The following DCDC1 variants were observed in gnomAD, a reference collection of about 807,000 sequenced individuals.
The protein encoded by DCDC1 is doublecortin domain-containing protein 1.
In DCDC1, 200 loss-of-function variants were observed where a neutral mutation model predicts 178.3. The observed-to-expected ratio is 1.12, with a 90% confidence interval of 1.00 to 1.26. The LOEUF is 1.26. Among genes scored for constraint, DCDC1 ranks in the 50% most tolerant of loss-of-function variants. The probability of loss-of-function intolerance (pLI) is 0.00; values close to 1 mark genes in which losing one functional copy is unlikely to be tolerated. For missense variants in DCDC1, 1,983 were observed against 1,749.2 expected (o/e 1.13, Z -2.38); for synonymous variants, 690 against 604.8 (o/e 1.14, Z -2.07).
intron 20 of DCDC1, among the ~76,000 whole-genome samples, chr11:31,024,208 T>C (rs1412862792): frequency 6.6e-6 from 1 of 152,002 alleles, no homozygotes; most frequent in African/African-American, 2.4e-5. Flanking sequence ...ATTAAGTTTA[T>C]GTAAAGGCAT....
chr11:31,311,753 A>G (rs1004618511), intron 3 of DCDC1, among the ~76,000 whole-genome samples: 5 of 152,214 alleles, frequency 3.3e-5, no homozygotes, highest in Non-Finnish European at 7.3e-5. Flanking sequence ...TAACCTGATC[A>G]TCATAATACA....
At chr11:31,268,846 G>A (rs1945355067) in intron 7 of DCDC1, among the ~76,000 whole-genome samples, 2 of 152,108 alleles carry the variant, frequency 1.3e-5, no homozygotes, top group African/African-American at 4.8e-5. Context: ...CAGTGTATAA[G>A]CGTTCCTTTT....
rs889501091 is a variant in DCDC1 at position 31,203,497 on chromosome 11, C to A, written c.1221+37953G>T. Among the ~76,000 whole-genome samples the A allele has an allele frequency of 3.3e-5, 5 of 152,128 alleles. No individual in the cohort carries two copies. In the East Asian group the frequency reaches 7.7e-4, roughly 23 times the overall value. ...GGCTGCTCTAGATTCCTTATGTCATCCATTGTCATGAACTGATACGGCATC... is the reference window on the plus strand; with the variant it reads ...GGCTGCTCTAGATTCCTTATGTCATACATTGTCATGAACTGATACGGCATC... On this transcript the variant is annotated intron_variant, in intron 9 of 38. Transcript: ENST00000684477.
chr11:31,132,803 C>T (rs892493446), intron 10 of DCDC1, among the ~76,000 whole-genome samples: 4 of 152,170 alleles, frequency 2.6e-5, no homozygotes, highest in African/African-American at 9.7e-5. Flanking sequence ...TCTTCATTCT[C>T]CGTGGAAATG....
At chr11:31,043,365 G>A (rs1954607431) in intron 20 of DCDC1, among the ~76,000 whole-genome samples, 1 of 152,156 alleles carries the variant, frequency 6.6e-6, no homozygotes, top group African/African-American at 2.4e-5. Flanking sequence ...AGACAAAGCT[G>A]CTGACATCAT....
chr11:31,201,600 C>T (rs1971292233), intron 9 of DCDC1, among the ~76,000 whole-genome samples: 1 of 149,876 alleles, frequency 6.7e-6, no homozygotes, highest in Non-Finnish European at 1.5e-5. Context: ...AAATAATCAA[C>T]CATTAAATAA....
At chr11:31,229,382 T>C (rs1433709626) in intron 9 of DCDC1, among the ~76,000 whole-genome samples, 1 of 152,044 alleles carries the variant, frequency 6.6e-6, no homozygotes, top group Non-Finnish European at 1.5e-5. Context: ...AAGTAACATA[T>C]ATAAGGAGGA....
chr11:31,357,367 G>A (rs1951436652), intron 1 of DCDC1, among the ~76,000 whole-genome samples: 2 of 142,146 alleles, frequency 1.4e-5, no homozygotes, highest in South Asian at 2.3e-4. Context: ...TGCAGAAAAG[G>A]CCTTTGACAA....
intron 20 of DCDC1, among the ~76,000 whole-genome samples, chr11:30,994,529 T>TTATA (rs35280751): frequency 4.4e-3 from 640 of 145,150 alleles, no homozygotes; most frequent in Admixed American, 8.4e-3. Context: ...TGACCTCAAG[T>TTATA]TATATATATA....
intron 10 of DCDC1, among the ~76,000 whole-genome samples, chr11:31,133,760 G>A (rs1962759493): frequency 6.6e-6 from 1 of 152,126 alleles, no homozygotes; most frequent in African/African-American, 2.4e-5. Flanking sequence ...CTGGAGTGCA[G>A]TGGCACGAAC....
At chr11:31,173,285 A>G (rs562892879) in intron 9 of DCDC1, among the ~76,000 whole-genome samples, 1 of 152,236 alleles carries the variant, frequency 6.6e-6, no homozygotes, top group South Asian at 2.1e-4. Context: ...ATGACATTAC[A>G]TCACCCGAGA....
chr11:31,240,169 C>A (rs1007528740), intron 9 of DCDC1, among the ~76,000 whole-genome samples: 12 of 151,776 alleles, frequency 7.9e-5, no homozygotes, highest in African/African-American at 2.9e-4. Context: ...AATCATGATC[C>A]ATTTTATAAT....
chr11:30,878,143 G>A (rs1295115482), intron 38 of DCDC1, among the ~76,000 whole-genome samples: 1 of 152,158 alleles, frequency 6.6e-6, no homozygotes, highest in Non-Finnish European at 1.5e-5. Context: ...TATGTAAAAT[G>A]CGGAGGGTAA....
In DCDC1 at chr11:31,290,689, C is replaced by CT; in HGVS notation, c.917dup (p.Asp307GlyfsTer4). ...TTCCCACTGTAATCTCATGCCCATC[C>CT]TGCCCCATGCCATTCTTAAAGAACA... On this transcript the variant is annotated frameshift_variant, in exon 7 of 39. Transcript: ENST00000684477. LOFTEE classifies it high-confidence loss of function. 6.2e-7 allele frequency: 1 copy of CT among 1,613,300 alleles called. No individual in the cohort carries two copies. Among genetic ancestry groups the CT allele is most frequent in the Non-Finnish European group, 8.5e-7 (1 of 1,179,478 alleles).
intron 20 of DCDC1, among the ~76,000 whole-genome samples, chr11:31,038,815 T>A (rs915831333): frequency 6.6e-6 from 1 of 151,952 alleles, no homozygotes; most frequent in South Asian, 2.1e-4. Flanking sequence ...AATTCTATTG[T>A]TGGAAGTGCT....
intron 15 of DCDC1, 88 bp from the exon 16 acceptor site, chr11:31,094,272 A>C (rs1243871297): frequency 1.4e-6 from 1 of 700,250 alleles, no homozygotes; most frequent in Non-Finnish European, 2.6e-6. Flanking sequence ...GTTATCCTAG[A>C]ACATTATTTA....
At chr11:31,352,385 T>G (rs978269504) in intron 1 of DCDC1, among the ~76,000 whole-genome samples, 3 of 152,322 alleles carry the variant, frequency 2.0e-5, no homozygotes, top group Admixed American at 6.5e-5. Context: ...ATTATGTTTT[T>G]ACTAAACAAG....
intron 20 of DCDC1, among the ~76,000 whole-genome samples, chr11:31,045,551 T>C (rs1254316070): frequency 6.6e-6 from 1 of 152,202 alleles, no homozygotes; most frequent in Non-Finnish European, 1.5e-5. Flanking sequence ...ATTCGTTTTG[T>C]AGCTACGTTG....
At chr11:31,042,128 T>C (rs1174732207) in intron 20 of DCDC1, among the ~76,000 whole-genome samples, 5 of 152,188 alleles carry the variant, frequency 3.3e-5, no homozygotes, top group Non-Finnish European at 5.9e-5. Context: ...ATAGGCAATA[T>C]TGTAATATGA....
Sources: allele counts gnomAD v4.1 joint callset (sites outside exome capture counted in the v4.1 genomes callset), GRCh38; gene constraint gnomAD v4.1.1; transcripts MANE v1.5; gene names NCBI Gene and HGNC (gene_info 2026-07-23, HGNC 2026-07-21).